The following DZANK1 variants were observed in gnomAD, a reference collection of about 807,000 sequenced individuals.
The protein encoded by DZANK1 is double zinc ribbon and ankyrin repeat-containing protein 1.
In DZANK1, 91 loss-of-function variants were observed where a neutral mutation model predicts 94.5. The ratio of observed to expected loss-of-function variants is 0.96; its 90% confidence interval spans 0.81 to 1.15. The LOEUF (loss-of-function observed/expected upper bound fraction) is 1.15. Among genes scored for constraint, DZANK1 ranks in the 50% most tolerant of loss-of-function variants. The pLI is 0.00. For synonymous variants in DZANK1, 312 were observed against 325.3 expected (o/e 0.96, Z 0.44); for missense variants, 903 against 916.4 (o/e 0.99, Z 0.19).
At chr20:18,453,306 G>A (rs965063117) in intron 5 of DZANK1, among the ~76,000 whole-genome samples, 1 of 152,126 alleles carries the variant, frequency 6.6e-6, no homozygotes, top group Admixed American at 6.5e-5. Context: ...TAGTTTCCAA[G>A]GCAACAGAAC....
chr20:18,442,867 T>C (rs1192452042), intron 8 of DZANK1, among the ~76,000 whole-genome samples: 1 of 152,214 alleles, frequency 6.6e-6, no homozygotes, highest in East Asian at 1.9e-4. Flanking sequence ...ACAAAATTAG[T>C]AGTGAGATAT....
At chr20:18,418,245 G>T (rs1473106242) in intron 10 of DZANK1, among the ~76,000 whole-genome samples, 1 of 152,160 alleles carries the variant, frequency 6.6e-6, no homozygotes, top group African/African-American at 2.4e-5. Flanking sequence ...CATAGCGCAT[G>T]TGAAGCGGTG....
chr20:18,449,107 T>C, intron 6 of DZANK1, 38 bp from the exon 7 acceptor site: 1 of 1,527,740 alleles, frequency 6.5e-7, no homozygotes, highest in Non-Finnish European at 9.1e-7. Flanking sequence ...CAGAGTCATA[T>C]AGTCAAAATA....
At chr20:18,460,332 ATAAT>A in intron 2 of DZANK1, 26 bp from the exon 3 acceptor site, 2 of 1,479,562 alleles carry the variant, frequency 1.4e-6, no homozygotes, top group Non-Finnish European at 1.8e-6. Context: ...CAGGATAACT[ATAAT>A]TAACACCAAA....
intron 15 of DZANK1, chr20:18,394,997 T>C: frequency 2.5e-6 from 1 of 403,422 alleles, no homozygotes; most frequent in Non-Finnish European, 5.0e-6. Context: ...CTCACGTGGC[T>C]GCCTGCTCCT....
intron 10 of DZANK1, among the ~76,000 whole-genome samples, chr20:18,423,540 G>C (rs1460924434): frequency 6.6e-6 from 1 of 152,092 alleles, no homozygotes; most frequent in Non-Finnish European, 1.5e-5. Flanking sequence ...CTTTTCAAAT[G>C]CACCTGATAT....
rs1275777829 is a variant in DZANK1 at position 18,428,105 on chromosome 20, C to T, written c.862-946G>A. Among the ~76,000 whole-genome samples, 256 of 149,176 alleles carry T rather than the reference C, an allele frequency of 1.7e-3. 1 individual carries two copies. The highest frequency in any genetic ancestry group is 2.7e-3 in the Non-Finnish European group (180 of 67,214). ...GGCGGAGCTTGCAGTGAGCTGAGAC[C>T]GCGCCACTGCACACCAGCCTGGGTG... On this transcript the variant is annotated intron_variant, in intron 9 of 20. Coordinates refer to ENST00000262547, the Ensembl canonical transcript of DZANK1.
intron 10 of DZANK1, among the ~76,000 whole-genome samples, chr20:18,422,970 A>C (rs1330273446): frequency 2.6e-5 from 4 of 152,088 alleles, no homozygotes; most frequent in African/African-American, 9.7e-5. Context: ...TAACAATATT[A>C]ATTCCTCCAG....
At chr20:18,386,377 A>G (rs933230637) in intron 19 of DZANK1, among the ~76,000 whole-genome samples, 2 of 152,202 alleles carry the variant, frequency 1.3e-5, no homozygotes, top group Non-Finnish European at 2.9e-5. Flanking sequence ...GTTCACAGAC[A>G]TCTGAGAAAA....
At chr20:18,398,714 A>G in intron 13 of DZANK1, 88 bp from the exon 14 acceptor site, 1 of 1,301,622 alleles carries the variant, frequency 7.7e-7, no homozygotes, top group Non-Finnish European at 1.1e-6. Context: ...GTTCTTAGAG[A>G]GGTTAATTTC....
chr20:18,463,337 C>T (rs902372230), intron 2 of DZANK1, among the ~76,000 whole-genome samples: 2 of 152,164 alleles, frequency 1.3e-5, no homozygotes, highest in African/African-American at 4.8e-5. Context: ...AAGATGGGAA[C>T]AATAGACACT....
At chr20:18,412,707 C>T in exon 13 of DZANK1, 1 of 1,613,592 alleles carries the variant, frequency 6.2e-7, no homozygotes, top group Non-Finnish European at 8.5e-7. Context: ...CCTGCCTCTG[C>T]TTTTGAGAGG....
At chr20:18,433,556 A>T in intron 9 of DZANK1, 96 bp downstream of exon 9, 3 of 1,151,620 alleles carry the variant, frequency 2.6e-6, no homozygotes, top group South Asian at 1.4e-5. Flanking sequence ...AAAAAAAAAA[A>T]TTGTTACCCC....
At position 18,390,388 on chromosome 20, in the gene DZANK1, C is replaced by CAGCT; in HGVS notation, c.1877_1880dup (p.Leu628AlafsTer4). The CAGCT allele has an allele frequency of 6.2e-7, 1 of 1,613,940 alleles. No individual in the cohort carries two copies. Among genetic ancestry groups the CAGCT allele is most frequent in the Non-Finnish European group, 8.5e-7 (1 of 1,179,812 alleles). On this transcript the variant is annotated frameshift_variant, in exon 18 of 21. Coordinates refer to ENST00000262547, the Ensembl canonical transcript of DZANK1. LOFTEE classifies it high-confidence loss of function. ...CTTTGGCAACACTTACCTCATCCAG[C>CAGCT]AGCTGTTCAATCACAGAGACTCTTC...
At chr20:18,440,654 T>C (rs2058689583) in intron 8 of DZANK1, among the ~76,000 whole-genome samples, 1 of 152,134 alleles carries the variant, frequency 6.6e-6, no homozygotes, top group Non-Finnish European at 1.5e-5. Flanking sequence ...AAACATCCCC[T>C]TTCAAGCCAT....
At chr20:18,401,713 G>A (rs899373885) in intron 13 of DZANK1, among the ~76,000 whole-genome samples, 1 of 152,202 alleles carries the variant, frequency 6.6e-6, no homozygotes, top group East Asian at 1.9e-4. Flanking sequence ...CAGGTGCTCT[G>A]TTCTTCTTCA....
rs147439003 is a variant in DZANK1, at chr20:18,446,421, G to A, written c.629+2563C>T. Among the ~76,000 whole-genome samples the A allele has an allele frequency of 1.2e-3, 178 of 152,224 alleles. 1 individual carries two copies. Among genetic ancestry groups the A allele is most frequent in the Middle Eastern group, 3.4e-3 (1 of 294 alleles). On this transcript the variant is annotated intron_variant, in intron 7 of 20. Coordinates refer to ENST00000262547, the Ensembl canonical transcript of DZANK1. The stretch of plus-strand genomic sequence containing the variant: ...ATTGCCCTCCCTACAAAATAACAAG[G>A]ATAATTAGAAACTGTTTGAACTGAA...
rs532556082 is a variant in DZANK1 at position 18,441,864 on chromosome 20, A to G, written c.747+1483T>C. Among the ~76,000 whole-genome samples the G allele has an allele frequency of 1.3e-5, 2 of 152,330 alleles. No individual in the cohort carries two copies. The highest frequency in any genetic ancestry group is 3.9e-4 in the East Asian group (2 of 5,184). ...TATCTGGGAAGCTGGCTGGGGTGCC[A>G]GTGGAACTGAGAAGCGTCCATGGGA... is the stretch of plus-strand genomic sequence containing the variant. On this transcript the variant is annotated intron_variant, in intron 8 of 20. Coordinates refer to ENST00000262547, the Ensembl canonical transcript of DZANK1. The surrounding 1 kb of genome is among the most constrained non-coding windows in gnomAD (Gnocchi z 4.1).
At chr20:18,391,211 G>A (rs2055960784) in intron 17 of DZANK1, among the ~76,000 whole-genome samples, 2 of 151,946 alleles carry the variant, frequency 1.3e-5, no homozygotes, top group African/African-American at 4.8e-5. Flanking sequence ...ACAAAACAAA[G>A]AAAAAGCTCT....
Sources: allele counts gnomAD v4.1 joint callset (sites outside exome capture counted in the v4.1 genomes callset), GRCh38; gene constraint gnomAD v4.1.1; non-coding constraint Gnocchi (gnomAD v3.1); transcripts MANE v1.5; gene names NCBI Gene and HGNC (gene_info 2026-07-23, HGNC 2026-07-21).